The following DLG2 variants were observed in gnomAD, a reference collection of about 807,000 sequenced individuals.
DLG2 encodes the protein disks large homolog 2.
In DLG2, 45 loss-of-function variants were observed where a neutral mutation model predicts 132.5. That is an observed-to-expected ratio of 0.34 (90% confidence interval 0.27 to 0.44). The LOEUF (loss-of-function observed/expected upper bound fraction) is 0.44. DLG2 is among the 20% of genes least tolerant of loss of function. DLG2 has a pLI of 1.00. For synonymous variants in DLG2, 424 were observed against 419.6 expected (o/e 1.01, Z -0.13); for missense variants, 1,045 against 1,196.9 (o/e 0.87, Z 1.87).
intron 7 of DLG2, among the ~76,000 whole-genome samples, chr11:84,403,358 T>A (rs1408861687): frequency 6.6e-6 from 1 of 152,200 alleles, no homozygotes; most frequent in African/African-American, 2.4e-5. Flanking sequence ...GACAATGCTG[T>A]GAAGTCTTTA....
At chr11:84,181,860 C>A (rs959958661) in intron 8 of DLG2, among the ~76,000 whole-genome samples, 1 of 152,078 alleles carries the variant, frequency 6.6e-6, no homozygotes, top group Admixed American at 6.6e-5. Flanking sequence ...GGCTGAACAA[C>A]AGAGTGCCAA....
intron 6 of DLG2, among the ~76,000 whole-genome samples, chr11:85,104,203 T>C (rs2071327175): frequency 6.6e-6 from 1 of 151,866 alleles, no homozygotes; most frequent in South Asian, 2.1e-4. Context: ...GAAATTTCAT[T>C]CCTAGGCATA....
intron 3 of DLG2, among the ~76,000 whole-genome samples, chr11:85,515,103 G>T (rs1337234702): frequency 6.6e-6 from 1 of 151,784 alleles, no homozygotes; most frequent in East Asian, 1.9e-4. Flanking sequence ...AACTGGAGTT[G>T]GTAGGAAATA....
intron 6 of DLG2, among the ~76,000 whole-genome samples, chr11:84,808,845 G>T (rs2076268630): frequency 6.6e-6 from 1 of 151,616 alleles, no homozygotes; most frequent in African/African-American, 2.4e-5. Context: ...AAATCTTTAG[G>T]CTCAGATGAT....
intron 5 of DLG2, among the ~76,000 whole-genome samples, chr11:85,138,501 G>A (rs911065492): frequency 7.9e-5 from 12 of 152,144 alleles, no homozygotes; most frequent in Admixed American, 2.0e-4. Context: ...AACCTCAGCA[G>A]TATTGCTAAA....
intron 19 of DLG2, among the ~76,000 whole-genome samples, chr11:83,630,748 G>A (rs6592132): frequency 0.05 from 7,602 of 152,184 alleles, 666 homozygotes; most frequent in African/African-American, 0.17. Flanking sequence ...TTCTGCCACA[G>A]ATAGCTGTGG....
chr11:85,606,010 AC>A (rs750874278), intron 2 of DLG2, among the ~76,000 whole-genome samples: 3 of 152,082 alleles, frequency 2.0e-5, no homozygotes, highest in Non-Finnish European at 4.4e-5. Flanking sequence ...ATCATAAGGT[AC>A]CAGGTACCAT....
intron 6 of DLG2, among the ~76,000 whole-genome samples, chr11:84,943,122 CAT>C (rs1244561906): frequency 2.0e-5 from 3 of 151,020 alleles, no homozygotes; most frequent in Non-Finnish European, 4.4e-5. Context: ...ATAGGGGAAA[CAT>C]GTTTCCTGTA....
At chr11:85,038,411 C>T (rs1297992186) in intron 6 of DLG2, among the ~76,000 whole-genome samples, 4 of 151,966 alleles carry the variant, frequency 2.6e-5, no homozygotes, top group Non-Finnish European at 5.9e-5. Context: ...AGTACCTGCA[C>T]CCACACAGAT....
chr11:84,151,651 G>A (rs907886541), intron 9 of DLG2, among the ~76,000 whole-genome samples: 1 of 152,092 alleles, frequency 6.6e-6, no homozygotes, highest in Non-Finnish European at 1.5e-5. Flanking sequence ...GTTAATGTGA[G>A]ATCTTTCTAA....
intron 17 of DLG2, among the ~76,000 whole-genome samples, chr11:83,807,886 C>G (rs1454345283): frequency 6.6e-6 from 1 of 152,070 alleles, no homozygotes; most frequent in Non-Finnish European, 1.5e-5. Flanking sequence ...GTGGTGCACA[C>G]ACTGTGTCCT....
intron 6 of DLG2, among the ~76,000 whole-genome samples, chr11:85,086,074 C>T (rs1434141401): frequency 6.6e-6 from 1 of 152,092 alleles, no homozygotes; most frequent in Non-Finnish European, 1.5e-5. Context: ...AGAAGATATA[C>T]ACTTAATCAG....
chr11:84,737,802 G>A (rs958068202), intron 6 of DLG2, among the ~76,000 whole-genome samples: 3 of 151,954 alleles, frequency 2.0e-5, no homozygotes, highest in Non-Finnish European at 4.4e-5. Flanking sequence ...GAGTGAAAGT[G>A]ATACATATTG....
chr11:85,201,077 G>T (rs892717988), intron 4 of DLG2, among the ~76,000 whole-genome samples: 4 of 152,020 alleles, frequency 2.6e-5, no homozygotes, highest in African/African-American at 9.7e-5. Context: ...CCCTCCCACT[G>T]CAGTTGAGGA....
intron 22 of DLG2, among the ~76,000 whole-genome samples, chr11:83,477,404 A>T (rs2092703227): frequency 6.6e-6 from 1 of 152,142 alleles, no homozygotes; most frequent in African/African-American, 2.4e-5. Flanking sequence ...GGTGCTAAAT[A>T]TAGTTGGAAA....
At chr11:85,245,526 C>G (rs1458444368) in intron 4 of DLG2, among the ~76,000 whole-genome samples, 1 of 152,008 alleles carries the variant, frequency 6.6e-6, no homozygotes, top group Admixed American at 6.6e-5. Flanking sequence ...CTGACCCACA[C>G]CATTTCCAAC....
chr11:84,461,227 A>G (rs1181540663), intron 7 of DLG2, among the ~76,000 whole-genome samples: 1 of 150,912 alleles, frequency 6.6e-6, no homozygotes. Flanking sequence ...TCATTTTAGC[A>G]TTGTACAAAC....
At chr11:85,353,464 T>TA (rs1246699583) in intron 3 of DLG2, among the ~76,000 whole-genome samples, 1 of 152,174 alleles carries the variant, frequency 6.6e-6, no homozygotes, top group Non-Finnish European at 1.5e-5. Flanking sequence ...GAAATACCAT[T>TA]GGACCGAGCA....
intron 21 of DLG2, among the ~76,000 whole-genome samples, chr11:83,500,814 T>C (rs894255302): frequency 1.3e-5 from 2 of 152,160 alleles, no homozygotes; most frequent in Non-Finnish European, 2.9e-5. Flanking sequence ...GTGCAAGAGA[T>C]GATAAAATTT....
Sources: allele counts gnomAD v4.1 joint callset (sites outside exome capture counted in the v4.1 genomes callset), GRCh38; gene constraint gnomAD v4.1.1; transcripts MANE v1.5; gene names NCBI Gene and HGNC (gene_info 2026-07-23, HGNC 2026-07-21).